Variants in PDE4D observed in about 807,000 individuals in gnomAD.
PDE4D encodes phosphodiesterase 4D, also known as 3',5'-cyclic-AMP phosphodiesterase 4D.
PDE4D carries 24 observed loss-of-function variants against 87.4 expected under a neutral mutation model. The observed-to-expected ratio is 0.27, with a 90% CI of 0.20 to 0.39. The LOEUF (loss-of-function observed/expected upper bound fraction) is 0.39, where lower values mean the gene tolerates loss of function less well. PDE4D is among the 10% of genes least tolerant of loss of function. The pLI, the probability that PDE4D is intolerant of heterozygous loss-of-function variation, is 1.00. For missense variants in PDE4D, 714 were observed against 1,041.0 expected, an observed-to-expected ratio of 0.69 and a Z score of 4.32; for synonymous variants, 384 against 383.2, an observed-to-expected ratio of 1.00 and a Z score of -0.02.
In PDE4D at chr5:59,215,955, T is replaced by G; in HGVS notation, c.469A>C (p.Asn157His). 6.2e-7 allele frequency: 1 copy of G among 1,610,676 alleles called. No homozygotes were observed. Among genetic ancestry groups the G allele is most frequent in the Non-Finnish European group, 8.5e-7 (1 of 1,177,502 alleles). Residue 157 changes from asparagine (N) to histidine (H), a missense_variant, in exon 2 of 15, where the codon AAT becomes CAT. Transcript: ENST00000340635. ...FQGLRRFDVDNGTSAGRSPLD... is the reference protein window; with the variant it reads ...FQGLRRFDVDHGTSAGRSPLD... Reference sequence around the variant, plus strand: ...GGACTCCGTCCCGCAGATGTGCCATTGTCCACATCAAAACTGTAAAGGAAG... The same window carrying G: ...GGACTCCGTCCCGCAGATGTGCCATGGTCCACATCAAAACTGTAAAGGAAG...
At chr5:59,874,133 T>C (rs1052941153) in intron 1 of PDE4D, among the ~76,000 whole-genome samples, 2 of 152,072 alleles carry the variant, frequency 1.3e-5, no homozygotes, top group African/African-American at 4.8e-5. Context: ...AGCCCTGGAA[T>C]TCAAAGTAGC....
chr5:59,975,986 G>A (rs1201159338), intron 3 of PDE4D, among the ~76,000 whole-genome samples: 1 of 152,042 alleles, frequency 6.6e-6, no homozygotes, highest in Non-Finnish European at 1.5e-5. Context: ...AGATTATAGT[G>A]GTCTATTTTC....
chr5:60,483,165 G>C (rs1169895206), intron 1 of PDE4D, among the ~76,000 whole-genome samples: 1 of 152,036 alleles, frequency 6.6e-6, no homozygotes, highest in Non-Finnish European at 1.5e-5. Context: ...TTTCTTTTCT[G>C]GGGGTGGGTG....
At chr5:60,048,471 T>G (rs1019037982) in intron 2 of PDE4D, among the ~76,000 whole-genome samples, 1 of 152,210 alleles carries the variant, frequency 6.6e-6, no homozygotes, top group African/African-American at 2.4e-5. Context: ...CGATGGTCTT[T>G]ACATTTTGGC....
chr5:60,003,572 T>C (rs959412113), intron 2 of PDE4D, among the ~76,000 whole-genome samples: 4 of 151,514 alleles, frequency 2.6e-5, no homozygotes, highest in Non-Finnish European at 5.9e-5. Flanking sequence ...TAGCCGAACG[T>C]GGTGGCAGGT....
chr5:59,812,144 C>A (rs1294398873), intron 1 of PDE4D, among the ~76,000 whole-genome samples: 1 of 152,174 alleles, frequency 6.6e-6, no homozygotes, highest in Non-Finnish European at 1.5e-5. Context: ...CCTCCCTCTG[C>A]ATGTCTGTTC....
intron 5 of PDE4D, among the ~76,000 whole-genome samples, chr5:59,077,652 A>C (rs1765944553): frequency 2.0e-5 from 3 of 151,780 alleles, no homozygotes; most frequent in Admixed American, 2.0e-4. Context: ...ATTGATTTTC[A>C]AGATTTGTCA....
At chr5:59,089,897 TAA>T (rs1768378477) in intron 5 of PDE4D, among the ~76,000 whole-genome samples, 1 of 151,988 alleles carries the variant, frequency 6.6e-6, no homozygotes, top group Non-Finnish European at 1.5e-5. Flanking sequence ...GAAGTCCAAA[TAA>T]AAGCAGAGAG....
At chr5:59,681,499 G>C (rs1196326372) in intron 1 of PDE4D, among the ~76,000 whole-genome samples, 4 of 152,224 alleles carry the variant, frequency 2.6e-5, no homozygotes, top group Admixed American at 2.6e-4. Flanking sequence ...AGACCAAAAC[G>C]CAACAGTGTT....
At chr5:59,266,029 G>T (rs1489273414) in intron 1 of PDE4D, among the ~76,000 whole-genome samples, 1 of 152,032 alleles carries the variant, frequency 6.6e-6, no homozygotes, top group Non-Finnish European at 1.5e-5. Flanking sequence ...TAATAGAACT[G>T]CTTTCACACA....
At chr5:59,065,545 G>A (rs71626132) in intron 5 of PDE4D, among the ~76,000 whole-genome samples, 5,538 of 152,174 alleles carry the variant, frequency 0.036, 217 homozygotes, top group Admixed American at 0.11. Context: ...ACTTTTGGAG[G>A]CAATGAATAA....
chr5:60,417,316 T>G (rs1742694038), intron 1 of PDE4D, among the ~76,000 whole-genome samples: 2 of 152,208 alleles, frequency 1.3e-5, no homozygotes, highest in Admixed American at 6.5e-5. Context: ...AGCCTACATC[T>G]GTCTGCTTGA....
intron 1 of PDE4D, among the ~76,000 whole-genome samples, chr5:59,639,878 G>GAA (rs1169761830): frequency 6.8e-6 from 1 of 147,508 alleles, no homozygotes; most frequent in East Asian, 2.0e-4. Context: ...GATTACACAG[G>GAA]AAGTTTCTTT....
intron 3 of PDE4D, among the ~76,000 whole-genome samples, chr5:59,189,205 G>A (rs736736): frequency 0.13 from 18,774 of 148,796 alleles, 1,337 homozygotes; most frequent in African/African-American, 0.17. Context: ...TAGAGTAAAG[G>A]TAAAGAGATG....
At chr5:59,573,717 G>T (rs1451790532) in intron 1 of PDE4D, among the ~76,000 whole-genome samples, 1 of 151,782 alleles carries the variant, frequency 6.6e-6, no homozygotes, top group South Asian at 2.1e-4. Context: ...GCTCTTCTAG[G>T]CCAGCTGCAG....
intron 1 of PDE4D, among the ~76,000 whole-genome samples, chr5:59,587,884 G>A (rs1297990132): frequency 2.0e-5 from 3 of 152,056 alleles, no homozygotes; most frequent in African/African-American, 7.2e-5. Flanking sequence ...AAACAAATAC[G>A]GAGGGAGGAT....
chr5:59,813,477 CACACAT>C (rs764492300), intron 1 of PDE4D, among the ~76,000 whole-genome samples: 4,694 of 141,430 alleles, frequency 0.033, 116 homozygotes, highest in South Asian at 0.056. Context: ...CACACACACA[CACACAT>C]ATGCCTGTCA....
At chr5:59,294,780 T>A (rs909610590) in intron 1 of PDE4D, among the ~76,000 whole-genome samples, 2 of 152,328 alleles carry the variant, frequency 1.3e-5, no homozygotes, top group South Asian at 2.1e-4. Context: ...ACAGCTGTTT[T>A]ACTATGATTC....
intron 1 of PDE4D, among the ~76,000 whole-genome samples, chr5:59,406,028 G>T (rs2153616790): frequency 6.6e-6 from 1 of 152,196 alleles, no homozygotes; most frequent in East Asian, 1.9e-4. Context: ...TCGGTATGAG[G>T]GTAATACTGG....
Sources: allele counts gnomAD v4.1 joint callset (sites outside exome capture counted in the v4.1 genomes callset), GRCh38; gene constraint gnomAD v4.1.1; transcripts MANE v1.5; gene names NCBI Gene and HGNC (gene_info 2026-07-23, HGNC 2026-07-21).